ATP2B2: variants seen among roughly 807,000 people sequenced by gnomAD.
The protein encoded by ATP2B2 is ATPase plasma membrane Ca2+ transporting 2.
A neutral mutation model predicts 120.0 loss-of-function variants in ATP2B2; 15 were observed. The observed-to-expected ratio is 0.12, with a 90% CI of 0.08 to 0.19. The LOEUF is 0.19. ATP2B2 is among the 10% of genes least tolerant of loss of function. The pLI is 1.00. For synonymous variants in ATP2B2, 694 were observed against 700.3 expected, an observed-to-expected ratio of 0.99 and a Z score of 0.14; for missense variants, 1,045 against 1,719.8, an observed-to-expected ratio of 0.61 and a Z score of 6.94.
chr3:10,420,385 A>G (rs2062934129), intron 2 of ATP2B2, among the ~76,000 whole-genome samples: 3 of 148,986 alleles, frequency 2.0e-5, no homozygotes, highest in African/African-American at 5.0e-5. Context: ...TTTTGAGACG[A>G]AGTCTCGCTC....
chr3:10,552,637 T>C (rs1044801082), intron 2 of ATP2B2, among the ~76,000 whole-genome samples: 1 of 152,250 alleles, frequency 6.6e-6, no homozygotes, highest in African/African-American at 2.4e-5. Context: ...GACTTGTTCT[T>C]ATCTCCTCTT....
chr3:10,355,412 C>T (rs1012004410), intron 14 of ATP2B2, among the ~76,000 whole-genome samples: 5 of 152,102 alleles, frequency 3.3e-5, no homozygotes, highest in African/African-American at 1.2e-4. Flanking sequence ...CAGGAGAGAG[C>T]GTGGCCCATG....
In ATP2B2 at chr3:10,350,391, C is replaced by A; in HGVS notation, c.2316+7G>T. On this transcript the variant is annotated splice_region_variant and intron_variant, in intron 15 of 22. Transcript: ENST00000360273. ...CCCCTGAGGATGCTTTACGTTGGGA[C>A]ACGCACCTCCCCCTTCTCGTTGCGG... 6.2e-7 allele frequency: 1 copy of A among 1,614,234 alleles called. No individual in the cohort carries two copies. The highest frequency in any genetic ancestry group is 8.5e-7 in the Non-Finnish European group (1 of 1,180,030).
chr3:10,351,250 A>G (rs2060570330), intron 14 of ATP2B2, among the ~76,000 whole-genome samples: 1 of 142,710 alleles, frequency 7.0e-6, no homozygotes, highest in Admixed American at 6.9e-5. Context: ...GCCCCGCCCC[A>G]CCCTACCCCA....
Position 10,382,197 on chromosome 3 carries a change from A to ATT in ATP2B2, c.1001-2915_1001-2914dup, listed in dbSNP as rs58615119. Among the ~76,000 whole-genome samples the ATT allele has an allele frequency of 6.7e-3, 813 of 122,254 alleles. 31 individuals are homozygous for ATT. Among genetic ancestry groups the ATT allele is most frequent in the African/African-American group, 0.025 (736 of 29,884 alleles). 80.2% of individuals were successfully genotyped at this position (122,254 alleles called of 152,430 possible). A position where few individuals can be genotyped will look rare whatever the true frequency, so the allele number is the denominator to read the frequency against. On this transcript the variant is annotated intron_variant, in intron 8 of 22. Transcript: ENST00000360273. ...TGTGCCACTATACCCAGCTAATTAA[A>ATT]TTTTTTTTTTTTTTTTTTTGTAGAG...
At chr3:10,544,746 G>A (rs1252781718) in intron 2 of ATP2B2, among the ~76,000 whole-genome samples, 3 of 152,206 alleles carry the variant, frequency 2.0e-5, no homozygotes, top group Non-Finnish European at 4.4e-5. Flanking sequence ...TGAGTTAAGT[G>A]CTCTGCAGCT....
intron 22 of ATP2B2, chr3:10,331,882 A>C: frequency 8.5e-7 from 1 of 1,179,602 alleles, no homozygotes; most frequent in East Asian, 2.6e-5. Flanking sequence ...CCCTGGTCTG[A>C]GATGGGTTCT....
chr3:10,413,644 C>T (rs148329239), intron 2 of ATP2B2, among the ~76,000 whole-genome samples: 4 of 152,348 alleles, frequency 2.6e-5, no homozygotes, highest in Non-Finnish European at 4.4e-5. Flanking sequence ...CGTGCAGGCA[C>T]GGCACACTGT....
Position 10,687,056 on chromosome 3 carries a change from C to T in ATP2B2, c.-460+20859G>A, listed in dbSNP as rs116441268. Among the ~76,000 whole-genome samples, 506 of 152,312 alleles carry T rather than the reference C, an allele frequency of 3.3e-3. 2 individuals carry two copies. Among genetic ancestry groups the T allele is most frequent in the African/African-American group, 0.012 (482 of 41,562 alleles). On this transcript the variant is annotated intron_variant, in intron 1 of 21. Transcript: ENST00000646379. ...ACACAGCTGCAGCTGATAGGGACCA[C>T]GATATGGGTCATGCAAGGCCCAAAT...
chr3:10,370,217 G>T (rs1285352798), intron 12 of ATP2B2, among the ~76,000 whole-genome samples: 1 of 152,238 alleles, frequency 6.6e-6, no homozygotes, highest in East Asian at 1.9e-4. Context: ...CAGATCCCAA[G>T]AATTCTTTTT....
At chr3:10,486,881 A>G (rs1272438562) in intron 1 of ATP2B2, among the ~76,000 whole-genome samples, 4 of 151,946 alleles carry the variant, frequency 2.6e-5, no homozygotes, top group Admixed American at 6.6e-5. Context: ...CACCACACCC[A>G]GCTAATTTTT....
At chr3:10,618,327 G>A (rs62240218) in intron 2 of ATP2B2, among the ~76,000 whole-genome samples, 2 of 152,170 alleles carry the variant, frequency 1.3e-5, no homozygotes, top group African/African-American at 4.8e-5. Flanking sequence ...GTGAACCTTA[G>A]TACTGTGCCT....
At chr3:10,404,008 C>T (rs1375271478) in intron 3 of ATP2B2, among the ~76,000 whole-genome samples, 2 of 152,190 alleles carry the variant, frequency 1.3e-5, no homozygotes, top group Admixed American at 1.3e-4. Context: ...TTCTGGAAAG[C>T]CAGGGGTCAG....
At chr3:10,708,112 G>T (rs1249730947), upstream of ATP2B2, 1 of 137,884 alleles carries the variant, frequency 7.3e-6, no homozygotes, top group Non-Finnish European at 1.6e-5. Flanking sequence ...GCTGCACTGC[G>T]CTCTGCCCGC....
intron 3 of ATP2B2, among the ~76,000 whole-genome samples, chr3:10,530,912 T>C (rs2067197231): frequency 6.6e-6 from 1 of 152,238 alleles, no homozygotes; most frequent in African/African-American, 2.4e-5. Flanking sequence ...TAGAAAGGGT[T>C]TCTGCTGGGG....
intron 1 of ATP2B2, among the ~76,000 whole-genome samples, chr3:10,695,354 A>C (rs952988816): frequency 2.0e-5 from 3 of 151,998 alleles, no homozygotes; most frequent in Non-Finnish European, 4.4e-5. Context: ...CTATCATGAG[A>C]ACAGCACATG....
At chr3:10,671,802 ATT>A (rs1451368688) in intron 1 of ATP2B2, among the ~76,000 whole-genome samples, 1 of 152,114 alleles carries the variant, frequency 6.6e-6, no homozygotes, top group Admixed American at 6.5e-5. Flanking sequence ...GGTGATGAAC[ATT>A]TTTGTCTGCT....
chr3:10,431,429 A>G (rs1167227661), intron 2 of ATP2B2, among the ~76,000 whole-genome samples: 1 of 152,192 alleles, frequency 6.6e-6, no homozygotes, highest in Non-Finnish European at 1.5e-5. Context: ...AGCCATCAAC[A>G]TCGAGGCAAG....
chr3:10,581,463 A>T (rs1026238695), intron 2 of ATP2B2, among the ~76,000 whole-genome samples: 1 of 152,210 alleles, frequency 6.6e-6, no homozygotes, highest in Non-Finnish European at 1.5e-5. Flanking sequence ...GGCACGAGCC[A>T]GCCGGGGAGC....
Sources: gnomAD v4.1 joint callset for allele counts (sites outside exome capture counted in the v4.1 genomes callset) on GRCh38, gnomAD v4.1.1 for gene constraint, MANE v1.5 for transcripts, NCBI Gene and HGNC (gene_info 2026-07-23, HGNC 2026-07-21) for gene names.